The following RPA3 variants were observed in gnomAD, a reference collection of about 807,000 sequenced individuals.
The protein encoded by RPA3 is replication protein A 14 kDa subunit.
Under a neutral mutation model 13.7 loss-of-function variants are expected in RPA3, and 24 were observed. That is an observed-to-expected ratio of 1.75 (90% CI 1.27 to 2.46). RPA3 has a LOEUF of 2.46. RPA3 is among the 30% of genes most tolerant of loss of function. The pLI is 0.00. For missense variants in RPA3, 183 were observed against 151.0 expected, an observed-to-expected ratio of 1.21 and a Z score of -1.11; for synonymous variants, 59 against 51.2, an observed-to-expected ratio of 1.15 and a Z score of -0.65.
chr7:7,684,683 A>G (rs28915972), intron 4 of RPA3, among the ~76,000 whole-genome samples: 4 of 152,350 alleles, frequency 2.6e-5, no homozygotes, highest in East Asian at 1.9e-4. Flanking sequence ...GTGAATTCCA[A>G]CTGATCTATG....
At chr7:7,688,999 A>G (rs148782611) in intron 2 of RPA3, among the ~76,000 whole-genome samples, 2 of 152,338 alleles carry the variant, frequency 1.3e-5, no homozygotes, top group East Asian at 3.9e-4. Flanking sequence ...ATTAGTAAGC[A>G]TTCAGACTAA....
chr7:7,689,773 A>G (rs1780130350), intron 2 of RPA3, among the ~76,000 whole-genome samples: 1 of 152,224 alleles, frequency 6.6e-6, no homozygotes, highest in African/African-American at 2.4e-5. Context: ...TGTCAGAGTC[A>G]TAAGTAAACA....
rs373675071 is a variant in RPA3, at chr7:7,643,705, C to A, written c.-757-2530G>T. The stretch of plus-strand genomic sequence containing the variant: ...CCAACCTGGGCCACAGAGCGAGACT[C>A]CCTCTCAAAAAAAAAAAAAACAAAC... On this transcript the variant is annotated intron_variant, in intron 4 of 7. Coordinates refer to ENST00000223129, the MANE Select transcript of RPA3 (RefSeq NM_002947.5). Among the ~76,000 whole-genome samples, 18 of 128,882 alleles carry A rather than the reference C, an allele frequency of 1.4e-4. No individual in the cohort carries two copies. The South Asian group carries it at 3.9e-3, about 28-fold the overall frequency. 84.6% of individuals were successfully genotyped at this position (128,882 alleles called of 152,430 possible). A position where few individuals can be genotyped will look rare whatever the true frequency, so the allele number is the denominator to read the frequency against.
intron 4 of RPA3, among the ~76,000 whole-genome samples, chr7:7,665,627 A>G (rs1231671202): frequency 6.6e-6 from 1 of 152,142 alleles, no homozygotes; most frequent in Non-Finnish European, 1.5e-5. Flanking sequence ...AAGATAATGA[A>G]CATACCCATC....
At chr7:7,648,373 C>T (rs919538277) in intron 4 of RPA3, among the ~76,000 whole-genome samples, 1 of 152,166 alleles carries the variant, frequency 6.6e-6, no homozygotes, top group Non-Finnish European at 1.5e-5. Context: ...GGCCTGACAG[C>T]TTTAACTTTT....
At chr7:7,655,772 T>C (rs935578121) in intron 4 of RPA3, among the ~76,000 whole-genome samples, 9 of 152,134 alleles carry the variant, frequency 5.9e-5, no homozygotes, top group Non-Finnish European at 1.0e-4. Flanking sequence ...TATTTTAATT[T>C]AAAAAATATT....
At chr7:7,718,016 T>C (rs1380595797) in intron 1 of RPA3, among the ~76,000 whole-genome samples, 1 of 152,232 alleles carries the variant, frequency 6.6e-6, no homozygotes, top group African/African-American at 2.4e-5. Context: ...ATCTAGTTTT[T>C]AGAATTGACA....
At chr7:7,653,475 AAAAC>A (rs1222641776) in intron 4 of RPA3, among the ~76,000 whole-genome samples, 2 of 152,190 alleles carry the variant, frequency 1.3e-5, no homozygotes, top group Admixed American at 6.5e-5. Flanking sequence ...CTTTAGGAAA[AAAAC>A]TGTGGTTTTC....
At chr7:7,666,518 T>C (rs1244956032) in intron 4 of RPA3, among the ~76,000 whole-genome samples, 7 of 152,088 alleles carry the variant, frequency 4.6e-5, no homozygotes, top group Non-Finnish European at 1.0e-4. Context: ...GGGGCAAATC[T>C]TTTTAATTTT....
intron 4 of RPA3, among the ~76,000 whole-genome samples, chr7:7,664,720 C>T (rs1779393604): frequency 6.6e-6 from 1 of 152,162 alleles, no homozygotes; most frequent in South Asian, 2.1e-4. Flanking sequence ...TCACATTGAT[C>T]TTTCTGGAAT....
intron 4 of RPA3, among the ~76,000 whole-genome samples, chr7:7,650,469 T>A (rs1385341496): frequency 6.6e-6 from 1 of 152,366 alleles, no homozygotes; most frequent in East Asian, 1.9e-4. Context: ...TGCTTTGTTT[T>A]AAATTGTGAT....
intron 4 of RPA3, among the ~76,000 whole-genome samples, chr7:7,672,176 C>G (rs771064386): frequency 2.0e-5 from 3 of 152,164 alleles, no homozygotes; most frequent in African/African-American, 7.2e-5. Context: ...GGAGCACTTG[C>G]TGCCACCAGG....
intron 4 of RPA3, among the ~76,000 whole-genome samples, chr7:7,644,086 T>C (rs191482174): frequency 1.0e-3 from 158 of 152,312 alleles, no homozygotes; most frequent in African/African-American, 3.7e-3. Context: ...TTTACAGTTA[T>C]TGTATATTCT....
chr7:7,670,977 A>AT (rs765082765), intron 4 of RPA3, among the ~76,000 whole-genome samples: 157 of 152,038 alleles, frequency 1.0e-3, no homozygotes, highest in Non-Finnish European at 1.5e-3. Flanking sequence ...CCCTGTTGGA[A>AT]TTTTTTCCTT....
At chr7:7,650,631 T>C (rs1428899920) in intron 4 of RPA3, among the ~76,000 whole-genome samples, 1 of 152,236 alleles carries the variant, frequency 6.6e-6, no homozygotes, top group East Asian at 1.9e-4. Flanking sequence ...AGTATGTTTA[T>C]TACCACAGTT....
At chr7:7,677,546 C>G (rs1779773114) in intron 4 of RPA3, among the ~76,000 whole-genome samples, 2 of 151,990 alleles carry the variant, frequency 1.3e-5, no homozygotes, top group African/African-American at 4.8e-5. Context: ...TTTACATGAT[C>G]TCCTCTAGTA....
intron 4 of RPA3, among the ~76,000 whole-genome samples, chr7:7,665,012 T>TAC (rs1177762390): frequency 6.6e-6 from 1 of 152,098 alleles, no homozygotes; most frequent in African/African-American, 2.4e-5. Flanking sequence ...GATATATATA[T>TAC]ATACACACAC....
intron 4 of RPA3, among the ~76,000 whole-genome samples, chr7:7,657,704 G>A (rs62452508): frequency 0.058 from 8,875 of 152,160 alleles, 338 homozygotes; most frequent in Middle Eastern, 0.13. Context: ...ATGCTGTTTT[G>A]GTTACTGTAG....
At chr7:7,651,785 A>G (rs974299706) in intron 4 of RPA3, among the ~76,000 whole-genome samples, 1 of 152,204 alleles carries the variant, frequency 6.6e-6, no homozygotes, top group East Asian at 1.9e-4. Context: ...CGAGACTCAG[A>G]TTTTAAAAGG....
Sources: gnomAD v4.1 joint callset for allele counts (sites outside exome capture counted in the v4.1 genomes callset) on GRCh38, gnomAD v4.1.1 for gene constraint, MANE v1.5 for transcripts, NCBI Gene and HGNC (gene_info 2026-07-23, HGNC 2026-07-21) for gene names.